The following BRINP3 variants were observed in gnomAD, a reference collection of about 807,000 sequenced individuals.
The protein encoded by BRINP3 is BMP/retinoic acid-inducible neural-specific protein 3.
BRINP3 carries 19 observed loss-of-function variants against 71.0 expected under a neutral mutation model. The ratio of observed to expected loss-of-function variants is 0.27; its 90% CI spans 0.19 to 0.39. BRINP3 has a LOEUF of 0.39. Ranked by LOEUF, BRINP3 falls within the 10% of genes least tolerant of loss-of-function variation. BRINP3 has a pLI of 1.00. For synonymous variants in BRINP3, 380 were observed against 337.7 expected, an observed-to-expected ratio of 1.13 and a Z score of -1.37; for missense variants, 959 against 940.8, an observed-to-expected ratio of 1.02 and a Z score of -0.25.
chr1:190,425,274 T>G (rs541981873), intron 2 of BRINP3, among the ~76,000 whole-genome samples: 3 of 151,860 alleles, frequency 2.0e-5, no homozygotes, highest in African/African-American at 7.2e-5. Flanking sequence ...AAAAGACATA[T>G]GAGTTGAAAA....
rs1290283215 is a variant in BRINP3, at chr1:190,277,087, T to TTTTATATATATATATATATATA, written c.427+4472_427+4473insTATATATATATATATATATAAA. 9.7e-4 allele frequency among the ~76,000 whole-genome samples: 35 copies of TTTTATATATATATATATATATA among 36,030 alleles called. 2 individuals are homozygous for TTTTATATATATATATATATATA. The highest frequency in any genetic ancestry group is 1.9e-3 in the Non-Finnish European group (29 of 15,020). 23.6% of individuals were successfully genotyped at this position (36,030 alleles called of 152,430 possible). A position where few individuals can be genotyped will look rare whatever the true frequency, so the allele number is the denominator to read the frequency against. The stretch of plus-strand genomic sequence containing the variant: ...TTTGATCCTGAAATAAATTTTGGTT[T>TTTTATATATATATATATATATA]TATATATATATATATATATATATAT... On this transcript the variant is annotated intron_variant, in intron 3 of 7. Transcript: ENST00000367462.
At chr1:190,125,085 T>C (rs1341149096) in intron 7 of BRINP3, among the ~76,000 whole-genome samples, 1 of 151,972 alleles carries the variant, frequency 6.6e-6, no homozygotes, top group Non-Finnish European at 1.5e-5. Flanking sequence ...AGGATAATTT[T>C]CCAAGGTCAC....
At chr1:190,338,456 C>T (rs1667434305) in intron 2 of BRINP3, among the ~76,000 whole-genome samples, 1 of 152,010 alleles carries the variant, frequency 6.6e-6, no homozygotes, top group Admixed American at 6.6e-5. Context: ...ATCATTTCAA[C>T]TCCTATTGTC....
chr1:190,377,982 A>T (rs985178601), intron 2 of BRINP3, among the ~76,000 whole-genome samples: 1 of 152,138 alleles, frequency 6.6e-6, no homozygotes, highest in Non-Finnish European at 1.5e-5. Flanking sequence ...ATATATCCAT[A>T]TCAAATACCC....
At chr1:190,456,955 A>G (rs118176804) in intron 1 of BRINP3, among the ~76,000 whole-genome samples, 1 of 152,326 alleles carries the variant, frequency 6.6e-6, no homozygotes, top group East Asian at 1.9e-4. Flanking sequence ...GATGTGAACA[A>G]GAATATTATT....
At chr1:190,307,571 A>G (rs913802601) in intron 2 of BRINP3, among the ~76,000 whole-genome samples, 1 of 152,000 alleles carries the variant, frequency 6.6e-6, no homozygotes, top group Admixed American at 6.6e-5. Flanking sequence ...ATATGTTAAT[A>G]GAAAGCAAGG....
intron 6 of BRINP3, among the ~76,000 whole-genome samples, chr1:190,188,622 C>A (rs998935407): frequency 1.3e-5 from 2 of 149,512 alleles, no homozygotes; most frequent in Non-Finnish European, 3.0e-5. Flanking sequence ...ATTTTTTTTT[C>A]TTTTCTGTTC....
chr1:190,255,982 G>A (rs1485429875), intron 4 of BRINP3, among the ~76,000 whole-genome samples: 3 of 152,074 alleles, frequency 2.0e-5, no homozygotes, highest in Non-Finnish European at 4.4e-5. Context: ...TGTTCTCATT[G>A]GTTTCAAATA....
intron 4 of BRINP3, among the ~76,000 whole-genome samples, chr1:190,237,872 T>C (rs1220033200): frequency 6.6e-6 from 1 of 152,080 alleles, no homozygotes; most frequent in African/African-American, 2.4e-5. Context: ...CAAACAGGCA[T>C]AATCTAAGAC....
intron 2 of BRINP3, among the ~76,000 whole-genome samples, chr1:190,307,202 T>A: frequency 6.7e-6 from 1 of 150,294 alleles, no homozygotes; most frequent in South Asian, 2.1e-4. Context: ...ATTTATTAAA[T>A]ATTTTAAGTT....
intron 7 of BRINP3, among the ~76,000 whole-genome samples, chr1:190,100,453 C>T (rs1413246708): frequency 2.0e-5 from 3 of 151,882 alleles, no homozygotes; most frequent in Admixed American, 6.6e-5. Context: ...TAACCTGTGC[C>T]CAGTAGAATG....
chr1:190,268,812 A>G (rs908014163), intron 3 of BRINP3, among the ~76,000 whole-genome samples: 10 of 152,158 alleles, frequency 6.6e-5, no homozygotes, highest in African/African-American at 2.4e-4. Flanking sequence ...AAACAGCACA[A>G]AAAATGTGAA....
At chr1:190,355,180 T>A (rs1668651025) in intron 2 of BRINP3, among the ~76,000 whole-genome samples, 1 of 151,888 alleles carries the variant, frequency 6.6e-6, no homozygotes, top group Admixed American at 6.6e-5. Context: ...TCTAAAGAAC[T>A]ATAAACTATG....
At chr1:190,361,826 A>G (rs1669167180) in intron 2 of BRINP3, among the ~76,000 whole-genome samples, 1 of 152,190 alleles carries the variant, frequency 6.6e-6, no homozygotes, top group East Asian at 1.9e-4. Flanking sequence ...TAGGCACTGT[A>G]GAATTTATGC....
rs770906806 is a variant in BRINP3, at chr1:190,213,358, T to C, written c.961+12724A>G. Among the ~76,000 whole-genome samples the C allele has an allele frequency of 2.6e-5, 4 of 152,122 alleles. No homozygotes were observed. The East Asian group carries it at 5.8e-4, about 22-fold the overall frequency. On this transcript the variant is annotated intron_variant, in intron 6 of 7. Coordinates refer to ENST00000367462, the MANE Select transcript of BRINP3 (RefSeq NM_199051.3). ...GACAAGTGATATGAACAAAGTGAAC[T>C]TCAGTGTCCTCATCCAAAGATAATA...
At position 190,130,315 on chromosome 1, in the gene BRINP3, T is replaced by C. The variant is rs1390355389; in HGVS notation, c.1184+30353A>G. ...GGGCCAAACTCTTCATGCTGTTTTT[T>C]GTTTGCTGCTTTGTTTTACTCAATT... On this transcript the variant is annotated intron_variant, in intron 7 of 7. Transcript: ENST00000367462. 2.0e-5 allele frequency among the ~76,000 whole-genome samples: 3 copies of C among 152,100 alleles called. No homozygotes were observed. In the East Asian group the frequency reaches 5.8e-4, roughly 29 times the overall value.
chr1:190,331,950 C>A (rs942429908), intron 2 of BRINP3, among the ~76,000 whole-genome samples: 3 of 151,860 alleles, frequency 2.0e-5, no homozygotes, highest in African/African-American at 7.2e-5. Context: ...CTAGTATTTT[C>A]TTAATATGGT....
chr1:190,293,263 A>AT (rs1664005516), intron 2 of BRINP3, among the ~76,000 whole-genome samples: 1 of 151,580 alleles, frequency 6.6e-6, no homozygotes, highest in South Asian at 2.1e-4. Context: ...TTCTTTTTTA[A>AT]TTTTTTTATC....
intron 2 of BRINP3, among the ~76,000 whole-genome samples, chr1:190,353,384 G>A (rs1668526756): frequency 6.6e-6 from 1 of 151,948 alleles, no homozygotes; most frequent in African/African-American, 2.4e-5. Flanking sequence ...TAAAAGTATG[G>A]TTTTTGAAAG....
Sources: allele counts gnomAD v4.1 joint callset (sites outside exome capture counted in the v4.1 genomes callset), GRCh38; gene constraint gnomAD v4.1.1; transcripts MANE v1.5; gene names NCBI Gene and HGNC (gene_info 2026-07-23, HGNC 2026-07-21).